GABRG3: variants seen among roughly 807,000 people sequenced by gnomAD.
GABRG3 encodes gamma-aminobutyric acid type A receptor subunit gamma3, also known as gamma-aminobutyric acid receptor subunit gamma-3.
GABRG3 carries 25 observed loss-of-function variants against 48.8 expected under a neutral mutation model. The ratio of observed to expected loss-of-function variants is 0.51; its 90% CI spans 0.37 to 0.72. GABRG3 has a LOEUF of 0.72. GABRG3 is among the 30% of genes least tolerant of loss of function. The pLI is 0.00. For missense variants in GABRG3, 394 were observed against 577.9 expected, an observed-to-expected ratio of 0.68 and a Z score of 3.26; for synonymous variants, 227 against 217.6, an observed-to-expected ratio of 1.04 and a Z score of -0.38.
chr15:27,474,233 T>C (rs1457412240), intron 5 of GABRG3, among the ~76,000 whole-genome samples: 1 of 152,208 alleles, frequency 6.6e-6, no homozygotes, highest in East Asian at 1.9e-4. Context: ...ATCACAAATA[T>C]ACCCAATTGG....
At chr15:27,301,672 A>C (rs1892212516) in intron 3 of GABRG3, among the ~76,000 whole-genome samples, 1 of 152,024 alleles carries the variant, frequency 6.6e-6, no homozygotes, top group Admixed American at 6.6e-5. Flanking sequence ...TTAAAAATAT[A>C]AAACAGTTAA....
intron 3 of GABRG3, among the ~76,000 whole-genome samples, chr15:27,080,328 G>A (rs1269972433): frequency 6.6e-6 from 1 of 152,028 alleles, no homozygotes; most frequent in Non-Finnish European, 1.5e-5. Flanking sequence ...TGAATATGGT[G>A]GTGTGTGCCT....
At chr15:27,421,825 G>A (rs1297126259) in intron 5 of GABRG3, among the ~76,000 whole-genome samples, 2 of 151,942 alleles carry the variant, frequency 1.3e-5, no homozygotes, top group African/African-American at 4.8e-5. Flanking sequence ...CATGGGAGTG[G>A]GCTGAGTATC....
chr15:27,374,287 C>G (rs1895518315), intron 5 of GABRG3, among the ~76,000 whole-genome samples: 1 of 151,806 alleles, frequency 6.6e-6, no homozygotes, highest in South Asian at 2.1e-4. Context: ...TTTGCACCAC[C>G]ATGCCTGGCT....
chr15:27,073,915 GT>G (rs1368675483), intron 3 of GABRG3, among the ~76,000 whole-genome samples: 14 of 152,230 alleles, frequency 9.2e-5, no homozygotes, highest in African/African-American at 3.4e-4. Flanking sequence ...GTATTAGTTT[GT>G]TTTCATGCTG....
At chr15:27,450,344 A>T (rs2140640888) in intron 5 of GABRG3, among the ~76,000 whole-genome samples, 1 of 152,290 alleles carries the variant, frequency 6.6e-6, no homozygotes, top group South Asian at 2.1e-4. Flanking sequence ...ATTTCACAGC[A>T]CCTTAAAGAG....
intron 3 of GABRG3, among the ~76,000 whole-genome samples, chr15:27,089,831 G>T (rs1293759639): frequency 6.6e-6 from 1 of 152,190 alleles, no homozygotes; most frequent in African/African-American, 2.4e-5. Context: ...CTTTCACTCA[G>T]CATCATGTTT....
chr15:27,483,734 G>A (rs1045476139), intron 6 of GABRG3, among the ~76,000 whole-genome samples: 1 of 152,192 alleles, frequency 6.6e-6, no homozygotes, highest in African/African-American at 2.4e-5. Context: ...GGATGGTATA[G>A]AAATCACATT....
intron 6 of GABRG3, among the ~76,000 whole-genome samples, chr15:27,517,108 G>T (rs1891037703): frequency 8.6e-6 from 1 of 115,926 alleles, no homozygotes; most frequent in Non-Finnish European, 1.7e-5. Context: ...CCCAGCACTG[G>T]GACTTTGACT....
At chr15:26,994,491 C>T (rs1260685038) in intron 2 of GABRG3, among the ~76,000 whole-genome samples, 2 of 151,936 alleles carry the variant, frequency 1.3e-5, no homozygotes, top group African/African-American at 4.8e-5. Flanking sequence ...AAACTCTACA[C>T]TTTAAATTTG....
chr15:27,057,931 G>A lies in GABRG3; in HGVS notation c.270+31110G>A, dbSNP rs146064268. ...GCAACTCGAGAGGATGTGTGCATTGGCCTCTGCAACCGGGCTTCTTACAGG... is the reference window on the plus strand; with the variant it reads ...GCAACTCGAGAGGATGTGTGCATTGACCTCTGCAACCGGGCTTCTTACAGG... On this transcript the variant is annotated intron_variant, in intron 3 of 9. Coordinates refer to ENST00000615808, the MANE Select transcript of GABRG3 (RefSeq NM_033223.5). 2.4e-4 allele frequency among the ~76,000 whole-genome samples: 37 copies of A among 152,308 alleles called. No homozygotes were observed. In the East Asian group the frequency reaches 6.6e-3, roughly 27 times the overall value.
At chr15:27,461,836 CA>C (rs1217267163) in intron 5 of GABRG3, among the ~76,000 whole-genome samples, 8 of 152,140 alleles carry the variant, frequency 5.3e-5, no homozygotes, top group African/African-American at 1.9e-4. Context: ...ATACTAGAGC[CA>C]AAAACAGTGT....
At chr15:27,142,374 C>G (rs903819968) in intron 3 of GABRG3, among the ~76,000 whole-genome samples, 2 of 152,074 alleles carry the variant, frequency 1.3e-5, no homozygotes, top group Non-Finnish European at 2.9e-5. Context: ...CAAGGAGGAT[C>G]GAGTCCCATC....
At chr15:27,005,514 C>T (rs1895567324) in intron 2 of GABRG3, among the ~76,000 whole-genome samples, 1 of 152,092 alleles carries the variant, frequency 6.6e-6, no homozygotes, top group African/African-American at 2.4e-5. Flanking sequence ...GAAACAAAAT[C>T]ATGTTATCCT....
chr15:27,233,481 T>C (rs1245773391), intron 3 of GABRG3, among the ~76,000 whole-genome samples: 2 of 152,146 alleles, frequency 1.3e-5, no homozygotes, highest in African/African-American at 2.4e-5. Context: ...GGTTGGGTTC[T>C]TGGTGAGGCC....
intron 3 of GABRG3, among the ~76,000 whole-genome samples, chr15:27,094,971 G>A (rs1002560062): frequency 1.3e-5 from 2 of 152,090 alleles, no homozygotes; most frequent in African/African-American, 4.8e-5. Context: ...ATAATTATCT[G>A]TGTCTATACC....
chr15:27,441,098 A>T, intron 5 of GABRG3, among the ~76,000 whole-genome samples: 1 of 152,196 alleles, frequency 6.6e-6, no homozygotes, highest in East Asian at 1.9e-4. Context: ...TTTGTTTTTA[A>T]AATTATTATA....
rs904672463 is a variant in GABRG3 at position 27,540,795 on chromosome 15, G to A, written c.*7914G>A. The A allele has an allele frequency of 2.0e-5, 3 of 152,184 alleles. No homozygotes were observed. The highest frequency in any genetic ancestry group is 4.4e-5 in the Non-Finnish European group (3 of 68,042). The allele number at this position is 152,184 out of a possible 1,614,324, so 9.4% of individuals were successfully genotyped here. Reference sequence around the variant, plus strand: ...AGGGATCAGACCTATGTGTTGTTAGGAGCAAGAGGCCATCTTGTGTTTACA... The same window carrying A: ...AGGGATCAGACCTATGTGTTGTTAGAAGCAAGAGGCCATCTTGTGTTTACA... On this transcript the variant is annotated 3_prime_UTR_variant, in exon 10 of 10. Coordinates refer to ENST00000615808, the MANE Select transcript of GABRG3 (RefSeq NM_033223.5).
chr15:27,003,925 C>T (rs1295292489), intron 2 of GABRG3, among the ~76,000 whole-genome samples: 5 of 144,318 alleles, frequency 3.5e-5, no homozygotes, highest in Admixed American at 6.8e-5. Context: ...CCAGTAGGGG[C>T]GGCCGGGCAG....
Sources: gnomAD v4.1 joint callset for allele counts (sites outside exome capture counted in the v4.1 genomes callset) on GRCh38, gnomAD v4.1.1 for gene constraint, MANE v1.5 for transcripts, NCBI Gene and HGNC (gene_info 2026-07-23, HGNC 2026-07-21) for gene names.